The following HECW2 variants were observed in gnomAD, a reference collection of about 807,000 sequenced individuals.
HECW2 encodes E3 ubiquitin-protein ligase HECW2.
Under a neutral mutation model 175.2 loss-of-function variants are expected in HECW2, and 61 were observed. The ratio of observed to expected loss-of-function variants is 0.35; its 90% CI spans 0.28 to 0.43. HECW2 has a LOEUF of 0.43. Ranked by LOEUF, HECW2 falls within the 20% of genes least tolerant of loss-of-function variation. HECW2 has a pLI of 1.00. For synonymous variants in HECW2, 671 were observed against 731.0 expected (o/e 0.92, Z 1.32); for missense variants, 1,524 against 2,000.5 (o/e 0.76, Z 4.54).
intron 14 of HECW2, among the ~76,000 whole-genome samples, chr2:196,282,337 A>G (rs1276643244): frequency 1.3e-5 from 2 of 152,208 alleles, no homozygotes; most frequent in African/African-American, 4.8e-5. Context: ...GTGATTGTTG[A>G]GGAAAAGAGT....
At chr2:196,216,896 T>C in intron 27 of HECW2, 112 bp downstream of exon 27, 1 of 691,964 alleles carries the variant, frequency 1.4e-6, no homozygotes, top group East Asian at 3.2e-5. Context: ...ATCTCATATT[T>C]CCAGATACAC....
At chr2:196,270,295 T>G (rs937377418) in intron 17 of HECW2, among the ~76,000 whole-genome samples, 4 of 152,134 alleles carry the variant, frequency 2.6e-5, no homozygotes, top group Non-Finnish European at 5.9e-5. Flanking sequence ...TGGGTTTTAG[T>G]GGAAAAATCT....
intron 3 of HECW2, among the ~76,000 whole-genome samples, chr2:196,335,995 G>A (rs183167842): frequency 6.2e-4 from 94 of 152,268 alleles, no homozygotes; most frequent in Middle Eastern, 3.4e-3. Flanking sequence ...CATAGAGAGC[G>A]TAGAGAAGAT....
intron 17 of HECW2, chr2:196,269,519 A>AAAAAAAAAAAAAC: frequency 6.6e-6 from 1 of 151,196 alleles, no homozygotes; most frequent in Non-Finnish European, 1.5e-5. Context: ...AAAAAAAAAA[A>AAAAAAAAAAAAAC]AAGACATGAG....
chr2:196,278,134 A>G (rs1240434626), intron 15 of HECW2, among the ~76,000 whole-genome samples: 1 of 86,432 alleles, frequency 1.2e-5, no homozygotes, highest in African/African-American at 3.6e-5. Context: ...TAATTAAAAA[A>G]TATATATATA....
At chr2:196,399,866 T>C (rs1054436591) in intron 2 of HECW2, among the ~76,000 whole-genome samples, 2 of 152,202 alleles carry the variant, frequency 1.3e-5, no homozygotes, top group Non-Finnish European at 2.9e-5. Flanking sequence ...TGACATTTCC[T>C]AGGTGAGGGA....
chr2:196,308,726 T>C (rs1411694563), intron 10 of HECW2, among the ~76,000 whole-genome samples: 2 of 152,196 alleles, frequency 1.3e-5, no homozygotes, highest in Non-Finnish European at 2.9e-5. Context: ...ATTTTATTTT[T>C]AAGTGTGTTA....
At chr2:196,561,219 G>C (rs1242329084) in intron 1 of HECW2, among the ~76,000 whole-genome samples, 1 of 152,240 alleles carries the variant, frequency 6.6e-6, no homozygotes, top group Non-Finnish European at 1.5e-5. Context: ...GGGGGTGTCT[G>C]CCTTATGCAG....
intron 1 of HECW2, among the ~76,000 whole-genome samples, chr2:196,439,687 A>G (rs1346856628): frequency 6.6e-6 from 1 of 152,220 alleles, no homozygotes; most frequent in African/African-American, 2.4e-5. Context: ...CAGAACTTGA[A>G]GTAGTCCTGT....
intron 1 of HECW2, among the ~76,000 whole-genome samples, chr2:196,527,839 C>G (rs1688722010): frequency 6.6e-6 from 1 of 152,094 alleles, no homozygotes; most frequent in African/African-American, 2.4e-5. Flanking sequence ...ATTTAAGTGA[C>G]TTTTATGTCC....
chr2:196,504,692 G>C (rs1035418347), intron 1 of HECW2, among the ~76,000 whole-genome samples: 1 of 152,124 alleles, frequency 6.6e-6, no homozygotes, highest in Admixed American at 6.5e-5. Flanking sequence ...CTTTGGACTT[G>C]AATTAATTGT....
At chr2:196,527,629 C>T (rs1688713986) in intron 1 of HECW2, among the ~76,000 whole-genome samples, 2 of 152,202 alleles carry the variant, frequency 1.3e-5, no homozygotes, top group Admixed American at 1.3e-4. Context: ...TTTTACCCTA[C>T]ATTGAATAAT....
intron 10 of HECW2, among the ~76,000 whole-genome samples, chr2:196,313,300 TTTTAGAGGGC>T (rs1279377988): frequency 6.6e-6 from 1 of 152,184 alleles, no homozygotes; most frequent in Non-Finnish European, 1.5e-5. Context: ...ACCGATAATA[TTTTAGAGGGC>T]TTTAGCCCTC....
At chr2:196,249,887 A>G (rs1688792118) in intron 19 of HECW2, among the ~76,000 whole-genome samples, 1 of 152,236 alleles carries the variant, frequency 6.6e-6, no homozygotes, top group Admixed American at 6.5e-5. Context: ...CAATTTAGAT[A>G]TATTTGGGTT....
chr2:196,366,550 C>A (rs1029712045), intron 2 of HECW2, among the ~76,000 whole-genome samples: 1 of 152,288 alleles, frequency 6.6e-6, no homozygotes, highest in East Asian at 1.9e-4. Context: ...AAATGTAGTT[C>A]TTTTCCCTTC....
At chr2:196,514,125 A>G (rs1575621676) in intron 1 of HECW2, among the ~76,000 whole-genome samples, 1 of 152,166 alleles carries the variant, frequency 6.6e-6, no homozygotes, top group East Asian at 1.9e-4. Flanking sequence ...GGGGCCCAGG[A>G]AGCTCCCCAA....
At chr2:196,591,262 T>A (rs2125540902) in intron 1 of HECW2, among the ~76,000 whole-genome samples, 1 of 152,230 alleles carries the variant, frequency 6.6e-6, no homozygotes, top group South Asian at 2.1e-4. Context: ...TGCGGCCAAA[T>A]GGTGGGGATT....
intron 16 of HECW2, 34 bp downstream of exon 16, chr2:196,273,987 A>G (rs1372969671): frequency 6.8e-7 from 1 of 1,463,414 alleles, no homozygotes; most frequent in East Asian, 2.3e-5. Flanking sequence ...AATGGCACAA[A>G]AGGACAGATG....
chr2:196,504,166 G>C (rs1687671185), intron 1 of HECW2, among the ~76,000 whole-genome samples: 1 of 151,666 alleles, frequency 6.6e-6, no homozygotes, highest in East Asian at 2.0e-4. Flanking sequence ...CGTGGTGGCA[G>C]GCACCTGTAA....
Sources: gnomAD v4.1 joint callset for allele counts (sites outside exome capture counted in the v4.1 genomes callset) on GRCh38, gnomAD v4.1.1 for gene constraint, MANE v1.5 for transcripts, NCBI Gene and HGNC (gene_info 2026-07-23, HGNC 2026-07-21) for gene names.